Variants in LRFN3 observed in about 807,000 individuals in gnomAD.
The protein encoded by LRFN3 is leucine rich repeat and fibronectin type III domain containing 3.
A neutral mutation model predicts 23.8 loss-of-function variants in LRFN3; 8 were observed. The ratio of observed to expected loss-of-function variants is 0.34; its 90% CI spans 0.20 to 0.61. The LOEUF (loss-of-function observed/expected upper bound fraction) is 0.61, where lower values mean the gene tolerates loss of function less well. Among genes scored for constraint, LRFN3 ranks in the 20% least tolerant of loss-of-function variants. The pLI is 0.80. For synonymous variants in LRFN3, 451 were observed against 450.6 expected (o/e 1.00, Z -0.01); for missense variants, 736 against 935.3 (o/e 0.79, Z 2.78).
At chr19:35,938,847 C>A (rs1443406320) in intron 1 of LRFN3, among the ~76,000 whole-genome samples, 1 of 152,196 alleles carries the variant, frequency 6.6e-6, no homozygotes, top group Non-Finnish European at 1.5e-5. Flanking sequence ...TTGTTGCCAC[C>A]CTGGCTGCCC....
rs1418237433 is a variant in LRFN3 at position 35,940,474 on chromosome 19, C to T, written c.1049C>T (p.Thr350Met). 10 of 1,610,096 alleles carry T rather than the reference C, an allele frequency of 6.2e-6. No individual in the cohort carries two copies. Among genetic ancestry groups the T allele is most frequent in the Non-Finnish European group, 8.5e-6 (10 of 1,179,438 alleles). ...CGTGCCCGCGCCTTCCCCAATGGGACGCTGGAGCTGCTGGTCACCGAGCCG... is the reference window on the plus strand; with the variant it reads ...CGTGCCCGCGCCTTCCCCAATGGGATGCTGGAGCTGCTGGTCACCGAGCCG... The part of the protein sequence containing the change: ...SSRARAFPNG[T>M]LELLVTEPGD... Residue 350 changes from threonine (T) to methionine (M), a missense_variant, in exon 2 of 3, where the codon ACG (threonine) becomes ATG (methionine). This residue lies in a region of LRFN3 where 446 missense variants were observed against 647.9 expected (regional missense o/e 0.69). Coordinates refer to ENST00000246529, the MANE Select transcript of LRFN3 (RefSeq NM_024509.2).
chr19:35,940,619 C>A lies in LRFN3; in HGVS notation c.1194C>A (p.Asp398Glu). The A allele has an allele frequency of 1.2e-6, 2 of 1,610,122 alleles. No individual in the cohort carries two copies. The highest frequency in any genetic ancestry group is 1.7e-6 in the Non-Finnish European group (2 of 1,177,374). The change falls in exon 2 of 3, where the codon GAC (aspartate) becomes GAA (glutamate). Residue 398 changes from aspartate to glutamate, a missense_variant. By Grantham distance (45) the Asp-to-Glu change is conservative. This residue lies in a region of LRFN3 where 446 missense variants were observed against 647.9 expected (regional missense o/e 0.69). Coordinates refer to ENST00000246529, the MANE Select transcript of LRFN3 (RefSeq NM_024509.2). ...PPQLANSTSC[D>E]PPRDGDPDAL... ...AGCTAGCCAACAGCACCAGCTGTGACCCCCCGCGGGACGGGGATCCTGATG... is the reference window on the plus strand; with the variant it reads ...AGCTAGCCAACAGCACCAGCTGTGAACCCCCGCGGGACGGGGATCCTGATG...
Position 35,944,828 on chromosome 19 carries a change from G to T in LRFN3, c.1696G>T (p.Gly566Cys). The T allele has an allele frequency of 6.2e-7, 1 of 1,607,928 alleles. No individual in the cohort carries two copies. Among genetic ancestry groups the T allele is most frequent in the Non-Finnish European group, 8.5e-7 (1 of 1,179,180 alleles). Residue 566 changes from glycine to cysteine, a missense_variant, in exon 3 of 3, where the codon GGC (glycine) becomes TGC (cysteine). By Grantham distance (159) the Gly-to-Cys change is radical. Transcript: ENST00000246529. This position sits in a 1 kb window ranked among gnomAD's most constrained non-coding sequence, Gnocchi z 4.5. ...GCTGCTAATGCGCTACAAGGTGCAC[G>T]GCGGCCAGCCCCCCGGCAAGGCCAA... ...FVLLMRYKVH[G>C]GQPPGKAKIP...
chr19:35,945,093 T>C lies in LRFN3; in HGVS notation c.*74T>C. The stretch of plus-strand genomic sequence containing the variant: ...CCCGGACACCCTGTGGGACCTGGCC[T>C]CAAACTCACCAAATCGCTCATGGTT... On this transcript the variant is annotated 3_prime_UTR_variant, in exon 3 of 3. Transcript: ENST00000246529. The C allele has an allele frequency of 2.3e-6, 2 of 878,678 alleles. No individual in the cohort carries two copies. Among genetic ancestry groups the C allele is most frequent in the Non-Finnish European group, 3.2e-6 (2 of 629,862 alleles). 54.4% of individuals were successfully genotyped at this position (878,678 alleles called of 1,614,324 possible).
In LRFN3 at chr19:35,945,000, A is replaced by G; in HGVS notation, c.1868A>G (p.His623Arg). The change falls in exon 3 of 3, where the codon CAC (histidine) becomes CGC (arginine). Residue 623 changes from histidine (H) to arginine (R), a missense_variant. By Grantham distance (29) the His-to-Arg change is conservative (BLOSUM62 0). Around this residue, in one of 2 missense-constraint regions of LRFN3, gnomAD observed 290 missense variants for 287.4 expected, o/e 1.01. Transcript: ENST00000246529. This position sits in a 1 kb window ranked among gnomAD's most constrained non-coding sequence, Gnocchi z 4.5. ...QLDCEPWGPG[H>R]EPVGP ...GACTGCGAGCCCTGGGGGCCCGGCC[A>G]CGAACCTGTGGGACCCTAGCCAGGC... is the stretch of plus-strand genomic sequence containing the variant. 2 of 1,391,668 alleles carry G rather than the reference A, an allele frequency of 1.4e-6. No homozygotes were observed. The highest frequency in any genetic ancestry group is 2.6e-4 in the Middle Eastern group (1 of 3,774). The allele number at this position is 1,391,668 out of a possible 1,614,324, so 86.2% of individuals were successfully genotyped here. A position where few individuals can be genotyped will look rare whatever the true frequency, so the allele number is the denominator to read the frequency against.
Position 35,936,629 on chromosome 19 carries a change from T to G in LRFN3, c.-943T>G. On this transcript the variant is annotated 5_prime_UTR_variant, in exon 1 of 3. Transcript: ENST00000246529. ...CCCTGGGGCTGCCCGGTCGCCCCCC[T>G]CCCCACCGCAGCCGGTCCCCTCCCT... 1 of 85,670 alleles carries G rather than the reference T, an allele frequency of 1.2e-5. No individual in the cohort carries two copies. 5.3% of individuals were successfully genotyped at this position (85,670 alleles called of 1,614,324 possible). A position where few individuals can be genotyped will look rare whatever the true frequency, so the allele number is the denominator to read the frequency against.
chr19:35,939,271 C>T lies in LRFN3; in HGVS notation c.-16-139C>T, dbSNP rs375168788. On this transcript the variant is annotated intron_variant, in intron 1 of 2. Coordinates refer to ENST00000246529, the MANE Select transcript of LRFN3 (RefSeq NM_024509.2). This position sits in a 1 kb window ranked among gnomAD's most constrained non-coding sequence, Gnocchi z 6.4. ...GTGAGCCACCGCGCCTGGCCTTCCT[C>T]TGGCTTTTGGTCACATCTGACGGTC... The T allele has an allele frequency of 1.1e-5, 10 of 906,316 alleles. No individual in the cohort carries two copies. The African/African-American group carries it at 1.7e-4, about 15-fold the overall frequency. 56.1% of individuals were successfully genotyped at this position (906,316 alleles called of 1,614,324 possible). A position where few individuals can be genotyped will look rare whatever the true frequency, so the allele number is the denominator to read the frequency against.
rs750925846 is a variant in LRFN3, at chr19:35,940,254, G to A, written c.829G>A (p.Ala277Thr). ...DDLEACASPP[A>T]LGGRYFWAVG... ...CCTCGAGGCCTGCGCGTCCCCACCTGCTCTGGGCGGCCGCTACTTCTGGGC... is the reference window on the plus strand; with the variant it reads ...CCTCGAGGCCTGCGCGTCCCCACCTACTCTGGGCGGCCGCTACTTCTGGGC... Residue 277 changes from alanine (A) to threonine (T), a missense_variant, in exon 2 of 3, where the codon GCT becomes ACT. Ala to Thr is a moderately conservative substitution (Grantham distance 58). Around this residue, in one of 2 missense-constraint regions of LRFN3, gnomAD observed 446 missense variants for 647.9 expected, o/e 0.69. Coordinates refer to ENST00000246529, the MANE Select transcript of LRFN3 (RefSeq NM_024509.2). 2.5e-6 allele frequency: 4 copies of A among 1,605,270 alleles called. No homozygotes were observed. The highest frequency in any genetic ancestry group is 3.3e-5 in the Admixed American group (2 of 59,854).
chr19:35,945,280 C>T lies in LRFN3; in HGVS notation c.*261C>T, dbSNP rs1049273758. 2 of 369,786 alleles carry T rather than the reference C, an allele frequency of 5.4e-6. No homozygotes were observed. Among genetic ancestry groups the T allele is most frequent in the Admixed American group, 4.8e-5 (1 of 20,874 alleles). 22.9% of individuals were successfully genotyped at this position (369,786 alleles called of 1,614,324 possible). On this transcript the variant is annotated 3_prime_UTR_variant, in exon 3 of 3. Transcript: ENST00000246529. ...GGGAATGCCTCCTTTGGGGAGACACCCCCTCCCCGCCCAGTTCAGTCTGAG... is the reference window on the plus strand; with the variant it reads ...GGGAATGCCTCCTTTGGGGAGACACTCCCTCCCCGCCCAGTTCAGTCTGAG...
At chr19:35,941,479 G>A (rs1045088322) in intron 2 of LRFN3, among the ~76,000 whole-genome samples, 3 of 152,146 alleles carry the variant, frequency 2.0e-5, no homozygotes, top group Non-Finnish European at 4.4e-5. Context: ...GAGGTTAGAA[G>A]GAAATTGCAG....
chr19:35,942,248 C>A (rs1446352641), intron 2 of LRFN3, among the ~76,000 whole-genome samples: 2 of 152,192 alleles, frequency 1.3e-5, no homozygotes, highest in African/African-American at 4.8e-5. Context: ...ACAGAAATAT[C>A]CAGTTTGCCA....
intron 2 of LRFN3, 99 bp downstream of exon 2, chr19:35,940,939 T>C: frequency 7.2e-7 from 1 of 1,393,924 alleles, no homozygotes; most frequent in South Asian, 1.8e-5. Flanking sequence ...GCACAACTGA[T>C]AAGTGATGCT....
At position 35,939,999 on chromosome 19, in the gene LRFN3, C is replaced by T. The variant is rs756795965; in HGVS notation, c.574C>T (p.Leu192=). The change falls in exon 2 of 3, where the codon CTG becomes TTG. Residue 192 remains leucine (L), a synonymous_variant. Transcript: ENST00000246529. The surrounding 1 kb of genome is among the most constrained non-coding windows in gnomAD (Gnocchi z 6.4). ...CACGTTGGGCCTCGACCACAACCTG[C>T]TGGCTTCTGTGCCCGCCGGCGCTTT... ...VNTLGLDHNL[L]ASVPAGAFSR... is the part of the protein sequence containing the mutation. 6.2e-7 allele frequency: 1 copy of T among 1,611,754 alleles called. No individual in the cohort carries two copies. The highest frequency in any genetic ancestry group is 8.5e-7 in the Non-Finnish European group (1 of 1,179,900).
At position 35,939,984 on chromosome 19, in the gene LRFN3, C is replaced by A; in HGVS notation, c.559C>A (p.Leu187Ile). ...CCTGGGCAACGTCAACACGTTGGGC[C>A]TCGACCACAACCTGCTGGCTTCTGT... ...GRLGNVNTLG[L>I]DHNLLASVPA... Residue 187 changes from leucine (L) to isoleucine (I), a missense_variant, in exon 2 of 3, where the codon CTC (leucine) becomes ATC (isoleucine). This residue lies in a region of LRFN3 where 446 missense variants were observed against 647.9 expected (regional missense o/e 0.69). Transcript: ENST00000246529. This position sits in a 1 kb window ranked among gnomAD's most constrained non-coding sequence, Gnocchi z 6.4. The A allele has an allele frequency of 6.2e-7, 1 of 1,611,160 alleles. No individual in the cohort carries two copies. The highest frequency in any genetic ancestry group is 8.5e-7 in the Non-Finnish European group (1 of 1,179,896).
Position 35,940,337 on chromosome 19 carries a change from T to A in LRFN3, c.912T>A (p.Pro304=). ...EPPVVTHRSP[P]LAVPAGRPAA... ...CCGTGGTGACTCACCGCTCACCACC[T>A]CTGGCTGTGCCCGCAGGTCGGCCGG... The change falls in exon 2 of 3, where the codon CCT becomes CCA. Residue 304 remains proline (P), a synonymous_variant. Transcript: ENST00000246529. 3 of 1,579,696 alleles carry A rather than the reference T, an allele frequency of 1.9e-6. No individual in the cohort carries two copies. The highest frequency in any genetic ancestry group is 2.6e-6 in the Non-Finnish European group (3 of 1,167,826).
chr19:35,946,234 A>G lies in LRFN3; in HGVS notation c.*1215A>G, dbSNP rs1363503730. ...CTGGTCTGAGGCTGAAGCTGGAAAT[A>G]GAAATGAGGGCTTTGTCAGCAGAGA... On this transcript the variant is annotated 3_prime_UTR_variant, in exon 3 of 3. Transcript: ENST00000246529. 6.6e-6 allele frequency among the ~76,000 whole-genome samples: 1 copy of G among 152,058 alleles called. No individual in the cohort carries two copies. The highest frequency in any genetic ancestry group is 2.4e-5 in the African/African-American group (1 of 41,382).
intron 2 of LRFN3, among the ~76,000 whole-genome samples, chr19:35,943,843 G>C (rs1456615092): frequency 1.3e-5 from 2 of 152,078 alleles, no homozygotes; most frequent in Admixed American, 6.6e-5. Flanking sequence ...CTGCAGGCTG[G>C]AGGGAAATTG....
At position 35,944,711 on chromosome 19, in the gene LRFN3, T is replaced by A; in HGVS notation, c.1579T>A (p.Cys527Ser). 6.2e-7 allele frequency: 1 copy of A among 1,604,544 alleles called. No homozygotes were observed. Among genetic ancestry groups the A allele is most frequent in the Non-Finnish European group, 8.5e-7 (1 of 1,176,438 alleles). Residue 527 changes from cysteine to serine, a missense_variant, in exon 3 of 3, where the codon TGC becomes AGC. Transcript: ENST00000246529. This position sits in a 1 kb window ranked among gnomAD's most constrained non-coding sequence, Gnocchi z 4.5. The part of the protein sequence containing the change: ...RFSTEPALRP[C>S]GAPHAPFLGG... ...CTCCACCGAACCTGCGCTGCGGCCA[T>A]GCGGGGCGCCGCACGCTCCCTTCCT...
Position 35,944,761 on chromosome 19 carries a change from G to A in LRFN3, c.1629G>A (p.Leu543=). Residue 543 remains leucine (L), a synonymous_variant, in exon 3 of 3, where the codon CTG becomes CTA. Transcript: ENST00000246529. This position sits in a 1 kb window ranked among gnomAD's most constrained non-coding sequence, Gnocchi z 4.5. ...PFLGGTMIIA[L]GGVIVASVLV... is the part of the protein sequence containing the mutation. Reference sequence around the variant, plus strand: ...TGGGCGGCACGATGATCATCGCGCTGGGCGGCGTCATCGTAGCCTCGGTAC... The same window carrying A: ...TGGGCGGCACGATGATCATCGCGCTAGGCGGCGTCATCGTAGCCTCGGTAC... 4 of 1,609,938 alleles carry A rather than the reference G, an allele frequency of 2.5e-6. No homozygotes were observed. Among genetic ancestry groups the A allele is most frequent in the Non-Finnish European group, 2.5e-6 (3 of 1,178,542 alleles).
Sources: allele counts gnomAD v4.1 joint callset (sites outside exome capture counted in the v4.1 genomes callset), GRCh38; gene constraint gnomAD v4.1.1; regional missense constraint gnomAD v4.1.1; non-coding constraint Gnocchi (gnomAD v3.1); transcripts MANE v1.5; gene names NCBI Gene and HGNC (gene_info 2026-07-23, HGNC 2026-07-21).